The following ZNF98 variants were observed in gnomAD, a reference collection of about 807,000 sequenced individuals.
ZNF98 encodes zinc finger protein 98.
Under a neutral mutation model 12.8 loss-of-function variants are expected in ZNF98, and 8 were observed. The ratio of observed to expected loss-of-function variants is 0.63; its 90% CI spans 0.37 to 1.13. The LOEUF is 1.13. Ranked by LOEUF, ZNF98 falls within the 50% of genes most tolerant of loss-of-function variation. The pLI, the probability that ZNF98 is intolerant of heterozygous loss-of-function variation, is 0.01. For missense variants in ZNF98, 379 were observed against 666.1 expected, an observed-to-expected ratio of 0.57 and a Z score of 4.74; for synonymous variants, 112 against 223.5, an observed-to-expected ratio of 0.50 and a Z score of 4.45.
Position 22,392,180 on chromosome 19 carries a change from C to T in ZNF98, c.1055G>A (p.Cys352Tyr), listed in dbSNP as rs1369048571. 6.2e-7 allele frequency: 1 copy of T among 1,612,398 alleles called. No individual in the cohort carries two copies. The highest frequency in any genetic ancestry group is 8.5e-7 in the Non-Finnish European group (1 of 1,179,344). ...GCTAAAGGCCTTACCACATTCTTCA[C>T]ATTTGTAGAATTTCTCTCCAGTATG... ...IIHTGEKFYK[C>Y]EECGKAFSRL... is the part of the protein sequence containing the mutation. Residue 352 changes from cysteine (C) to tyrosine (Y), a missense_variant, in exon 4 of 4, where the codon TGT (cysteine) becomes TAT (tyrosine). This residue lies in a region of ZNF98 where 15 missense variants were observed against 27.0 expected (regional missense o/e 0.56). Coordinates refer to ENST00000357774, the MANE Select transcript of ZNF98 (RefSeq NM_001098626.2).
At chr19:22,394,632 G>A (rs953109071) in intron 3 of ZNF98, among the ~76,000 whole-genome samples, 3 of 151,330 alleles carry the variant, frequency 2.0e-5, no homozygotes, top group South Asian at 4.2e-4. Flanking sequence ...TGGGAATTGA[G>A]CAATGAGAAT....
chr19:22,399,113 G>A (rs1009377822), intron 3 of ZNF98, among the ~76,000 whole-genome samples: 5 of 152,010 alleles, frequency 3.3e-5, no homozygotes, highest in African/African-American at 4.8e-5. Context: ...CTGAAAAAAC[G>A]CATTAATATG....
At chr19:22,394,063 C>A (rs1599383217) in intron 3 of ZNF98, among the ~76,000 whole-genome samples, 2 of 147,998 alleles carry the variant, frequency 1.4e-5, no homozygotes, top group East Asian at 3.9e-4. Context: ...GACATTTATG[C>A]AGCCAACAGA....
chr19:22,417,829 G>C (rs992841559), intron 1 of ZNF98, among the ~76,000 whole-genome samples: 5 of 152,178 alleles, frequency 3.3e-5, no homozygotes, highest in African/African-American at 1.2e-4. Flanking sequence ...GCTCGTGAGT[G>C]AGAGGGAATC....
At chr19:22,420,089 G>A (rs1969687898) in intron 1 of ZNF98, among the ~76,000 whole-genome samples, 1 of 152,180 alleles carries the variant, frequency 6.6e-6, no homozygotes, top group Admixed American at 6.5e-5. Context: ...CTTGAACGTG[G>A]GAGGCGGAGG....
intron 3 of ZNF98, among the ~76,000 whole-genome samples, chr19:22,394,541 A>G (rs1002606758): frequency 2.0e-5 from 3 of 152,160 alleles, no homozygotes; most frequent in African/African-American, 2.4e-5. Flanking sequence ...TTGCAGGCAC[A>G]TGGATGAAGC....
intron 1 of ZNF98, among the ~76,000 whole-genome samples, chr19:22,412,244 A>T (rs2145119920): frequency 6.6e-6 from 1 of 152,338 alleles, no homozygotes; most frequent in Admixed American, 6.5e-5. Context: ...ACAGCTTGAT[A>T]AAAAAGTAAT....
At chr19:22,422,028 C>T (rs1357803391) in intron 1 of ZNF98, among the ~76,000 whole-genome samples, 167 bp downstream of exon 1, 1 of 152,140 alleles carries the variant, frequency 6.6e-6, no homozygotes, top group African/African-American at 2.4e-5. Flanking sequence ...GTCAGCGCAG[C>T]CGCCATCTTA....
At chr19:22,398,223 C>T (rs1969419022) in intron 3 of ZNF98, among the ~76,000 whole-genome samples, 1 of 152,084 alleles carries the variant, frequency 6.6e-6, no homozygotes, top group East Asian at 1.9e-4. Flanking sequence ...ATGAGATATA[C>T]AAAGCAGTTA....
Position 22,402,815 on chromosome 19 carries a change from C to A in ZNF98, c.227G>T (p.Arg76Ile). The A allele has an allele frequency of 6.3e-7, 1 of 1,598,156 alleles. No homozygotes were observed. Among genetic ancestry groups the A allele is most frequent in the Non-Finnish European group, 8.5e-7 (1 of 1,175,276 alleles). ...EQGKEPWNVK[R>I]HEMVTEPPVV... ...TGGGGGTTCAGTTACCATCTCATGTCTCTTCACATTCCAAGGTTCTTTTCC... is the reference window on the plus strand; with the variant it reads ...TGGGGGTTCAGTTACCATCTCATGTATCTTCACATTCCAAGGTTCTTTTCC... The change falls in exon 3 of 4, where the codon AGA (arginine) becomes ATA (isoleucine). Residue 76 changes from arginine to isoleucine, a missense_variant. Arg to Ile is a moderately conservative substitution (Grantham distance 97). Transcript: ENST00000357774.
chr19:22,409,903 CTCTA>C (rs1313828125), intron 1 of ZNF98, among the ~76,000 whole-genome samples: 13 of 104,928 alleles, frequency 1.2e-4, no homozygotes, highest in African/African-American at 5.2e-4. Flanking sequence ...CAGAACGAGA[CTCTA>C]TCTCACAAAA....
chr19:22,394,022 AAAG>A (rs1474566825), intron 3 of ZNF98, among the ~76,000 whole-genome samples: 1 of 148,442 alleles, frequency 6.7e-6, no homozygotes, highest in Non-Finnish European at 1.5e-5. Context: ...AAAAGTGAGC[AAAG>A]GATGTGAACA....
chr19:22,412,282 T>C (rs962323500), intron 1 of ZNF98, among the ~76,000 whole-genome samples: 5 of 152,192 alleles, frequency 3.3e-5, no homozygotes, highest in East Asian at 1.9e-4. Context: ...ACTTGAATTA[T>C]ACAAGTACAT....
rs1303435788 is a variant in ZNF98 at position 22,403,433 on chromosome 19, A to C, written c.110T>G (p.Leu37Ter). ...GTTCTCTAACATCACATTCCTATATAAATTCTGCTGTGCGGTGTCCAGGCA... is the reference window on the plus strand; with the variant it reads ...GTTCTCTAACATCACATTCCTATATCAATTCTGCTGTGCGGTGTCCAGGCA... ...WQCLDTAQQNLYRNVMLENYR... is the reference protein window; with the variant it reads ...WQCLDTAQQN The change falls in exon 2 of 4, where the codon TTA becomes TGA. Residue 37 changes from leucine (L) to a stop codon, truncating the protein, a stop_gained. Transcript: ENST00000357774. LOFTEE classifies it high-confidence loss of function. The C allele has an allele frequency of 6.2e-7, 1 of 1,608,438 alleles. No individual in the cohort carries two copies. Among genetic ancestry groups the C allele is most frequent in the Non-Finnish European group, 8.5e-7 (1 of 1,178,450 alleles).
At position 22,392,782 on chromosome 19, in the gene ZNF98, G is replaced by T; in HGVS notation, c.453C>A (p.Asn151Lys). The change falls in exon 4 of 4, where the codon AAC (asparagine) becomes AAA (lysine). Residue 151 changes from asparagine to lysine, a missense_variant. Physicochemically the swap from Asn to Lys is moderately conservative, Grantham distance 94. Transcript: ENST00000357774. ...GLNQCLTTTQ[N>K]KIFQYDKYVK... ...CATATTTGTCATATTGAAATATTTTGTTCTGGGTAGTTGTCAAACACTGGT... is the reference window on the plus strand; with the variant it reads ...CATATTTGTCATATTGAAATATTTTTTTCTGGGTAGTTGTCAAACACTGGT... 1 of 1,612,554 alleles carries T rather than the reference G, an allele frequency of 6.2e-7. No homozygotes were observed. Among genetic ancestry groups the T allele is most frequent in the Non-Finnish European group, 8.5e-7 (1 of 1,179,384 alleles).
intron 1 of ZNF98, among the ~76,000 whole-genome samples, chr19:22,417,229 CAAAAAAAAAAAAAAAAAA>C (rs57152900): frequency 1.8e-4 from 8 of 45,486 alleles, no homozygotes; most frequent in Non-Finnish European, 2.9e-4. Context: ...AACTCCATCT[CAAAAAAAAAAAAAAAAAA>C]AAAAAAAAAA....
chr19:22,419,031 A>G (rs991116058), intron 1 of ZNF98, among the ~76,000 whole-genome samples: 3 of 152,220 alleles, frequency 2.0e-5, no homozygotes, highest in East Asian at 1.9e-4. Context: ...TCCTAAGGAC[A>G]TGCTGAGTTC....
intron 3 of ZNF98, among the ~76,000 whole-genome samples, chr19:22,397,454 G>T (rs1453621686): frequency 2.6e-5 from 4 of 151,958 alleles, no homozygotes; most frequent in African/African-American, 9.7e-5. Context: ...GGACACACAT[G>T]GTTCTCAATA....
At chr19:22,413,288 A>T (rs1350391605) in intron 1 of ZNF98, among the ~76,000 whole-genome samples, 2 of 152,132 alleles carry the variant, frequency 1.3e-5, no homozygotes, top group African/African-American at 4.8e-5. Flanking sequence ...GGAAGAGAGG[A>T]TGTCAAAACC....
Sources: gnomAD v4.1 joint callset for allele counts (sites outside exome capture counted in the v4.1 genomes callset) on GRCh38, gnomAD v4.1.1 for gene constraint, gnomAD v4.1.1 regional missense constraint, MANE v1.5 for transcripts, NCBI Gene and HGNC (gene_info 2026-07-23, HGNC 2026-07-21) for gene names.